Variants in DNAH9 observed in about 807,000 individuals in gnomAD.
DNAH9 encodes the protein DNAH9 variant protein.
A neutral mutation model predicts 471.6 loss-of-function variants in DNAH9; 345 were observed. That is an observed-to-expected ratio of 0.73 (90% confidence interval 0.67 to 0.80). The LOEUF is 0.80. DNAH9 is among the 30% of genes least tolerant of loss of function. The probability of loss-of-function intolerance (pLI) is 0.00; values close to 1 mark genes in which losing one functional copy is unlikely to be tolerated. For synonymous variants in DNAH9, 2,093 were observed against 2,123.6 expected, an observed-to-expected ratio of 0.99 and a Z score of 0.40; for missense variants, 5,407 against 5,609.2, an observed-to-expected ratio of 0.96 and a Z score of 1.15.
chr17:11,822,185 C>T (rs533213022), intron 46 of DNAH9, 123 bp downstream of exon 46: 14 of 1,198,388 alleles, frequency 1.2e-5, no homozygotes, highest in Admixed American at 1.0e-4. Context: ...TGTGCGGCAC[C>T]CTTCTCAGCC....
In DNAH9 at chr17:11,632,545, A is replaced by G. The variant is rs1422979282; in HGVS notation, c.1519-42A>G. 4 of 1,021,734 alleles carry G rather than the reference A, an allele frequency of 3.9e-6. No homozygotes were observed. In the African/African-American group the frequency reaches 6.3e-5, roughly 16 times the overall value. The allele number at this position is 1,021,734 out of a possible 1,614,324, so 63.3% of individuals were successfully genotyped here. ...GAGGAGCATAGTGGGGTTGGCTTAC[A>G]GAAAATTACGTTTTCCTTATATATA... On this transcript the variant is annotated intron_variant, in intron 7 of 68. Transcript: ENST00000262442.
intron 14 of DNAH9, among the ~76,000 whole-genome samples, chr17:11,661,811 G>T (rs2073769562): frequency 6.6e-6 from 1 of 151,834 alleles, no homozygotes; most frequent in South Asian, 2.1e-4. Context: ...TATGCATATT[G>T]AGCCCCACAA....
At chr17:11,808,926 A>C (rs767854030) in intron 44 of DNAH9, among the ~76,000 whole-genome samples, 4 of 152,192 alleles carry the variant, frequency 2.6e-5, no homozygotes, top group Non-Finnish European at 5.9e-5. Context: ...AGAACCATTG[A>C]TCTAAAACAA....
chr17:11,768,102 A>G (rs2150876067), intron 36 of DNAH9, among the ~76,000 whole-genome samples: 1 of 152,262 alleles, frequency 6.6e-6, no homozygotes, highest in East Asian at 1.9e-4. Context: ...TCAGGCACCG[A>G]AGAATGGGGC....
At chr17:11,879,755 C>G (rs2150994005) in intron 53 of DNAH9, among the ~76,000 whole-genome samples, 1 of 152,100 alleles carries the variant, frequency 6.6e-6, no homozygotes, top group East Asian at 1.9e-4. Flanking sequence ...AAACAAAACA[C>G]CATATGAATC....
intron 62 of DNAH9, among the ~76,000 whole-genome samples, chr17:11,926,233 C>T (rs1974321976): frequency 6.6e-6 from 1 of 152,026 alleles, no homozygotes. Flanking sequence ...CCGTTGAACA[C>T]AGGCCTTCTT....
chr17:11,674,777 G>T (rs1208930201), intron 17 of DNAH9, among the ~76,000 whole-genome samples: 1 of 151,992 alleles, frequency 6.6e-6, no homozygotes, highest in Non-Finnish European at 1.5e-5. Context: ...ATATCCTAAT[G>T]ATACCCTCCT....
intron 45 of DNAH9, among the ~76,000 whole-genome samples, chr17:11,818,018 C>T (rs1223292548): frequency 6.6e-6 from 1 of 152,178 alleles, no homozygotes; most frequent in Non-Finnish European, 1.5e-5. Flanking sequence ...CCTCCAGATA[C>T]AGTAGTTCAA....
At chr17:11,886,778 A>C (rs766989337) in intron 56 of DNAH9, 47 bp from the exon 57 acceptor site, 1 of 1,557,330 alleles carries the variant, frequency 6.4e-7, no homozygotes. Context: ...ATTCTCAGGA[A>C]GCCCAGGTTG....
At chr17:11,835,026 T>C in intron 49 of DNAH9, 128 bp downstream of exon 49, 1 of 1,261,742 alleles carries the variant, frequency 7.9e-7, no homozygotes, top group African/African-American at 1.5e-5. Context: ...CTGTCACTGA[T>C]TTGCTCATTA....
intron 50 of DNAH9, among the ~76,000 whole-genome samples, chr17:11,861,698 CTTT>C (rs1197614199): frequency 1.3e-5 from 2 of 152,080 alleles, no homozygotes; most frequent in Non-Finnish European, 2.9e-5. Flanking sequence ...TGTTTCCTGA[CTTT>C]TTAATGATTG....
chr17:11,606,429 C>CT (rs1555548433), intron 1 of DNAH9, among the ~76,000 whole-genome samples: 15 of 121,234 alleles, frequency 1.2e-4, no homozygotes, highest in East Asian at 2.6e-4. Flanking sequence ...TGACAACTTT[C>CT]TTTCTTTTCT....
chr17:11,694,405 C>G lies in DNAH9; in HGVS notation c.4830C>G (p.Ser1610=), dbSNP rs750975269. 6.2e-6 allele frequency: 10 copies of G among 1,613,254 alleles called. No individual in the cohort carries two copies. The highest frequency in any genetic ancestry group is 3.3e-4 in the Middle Eastern group (2 of 6,080). The change falls in exon 22 of 69, where the codon TCC becomes TCG. Residue 1610 remains serine, a synonymous_variant. Coordinates refer to ENST00000262442, the MANE Select transcript of DNAH9 (RefSeq NM_001372.4). ...AFPRFYFLSS[S]DLLDILSNGT... ...CGCGGTTTTACTTTCTCTCCTCCTC[C>G]GATCTGTTAGACATCCTTTCCAACG...
chr17:11,857,420 G>C (rs1971665386), intron 50 of DNAH9, among the ~76,000 whole-genome samples: 1 of 152,114 alleles, frequency 6.6e-6, no homozygotes, highest in South Asian at 2.1e-4. Flanking sequence ...CAGGAGATGG[G>C]CTAACACCCA....
At position 11,962,148 on chromosome 17, in the gene DNAH9, C is replaced by T; in HGVS notation, c.13125C>T (p.Ala4375=). The change falls in exon 68 of 69, where the codon GCC becomes GCT. Residue 4375 remains alanine (A), a synonymous_variant. Transcript: ENST00000262442. This position sits in a 1 kb window ranked among gnomAD's most constrained non-coding sequence, Gnocchi z 4.1. The part of the protein sequence containing the change: ...RKNEWPLDQM[A]LQCDMTKKNR... ...ATGAGTGGCCACTGGACCAGATGGCCCTGCAATGTGACATGACGAAGAAGA... is the reference window on the plus strand; with the variant it reads ...ATGAGTGGCCACTGGACCAGATGGCTCTGCAATGTGACATGACGAAGAAGA... The T allele has an allele frequency of 6.2e-7, 1 of 1,614,102 alleles. No homozygotes were observed. The highest frequency in any genetic ancestry group is 8.5e-7 in the Non-Finnish European group (1 of 1,180,030).
intron 48 of DNAH9, among the ~76,000 whole-genome samples, chr17:11,827,065 T>C (rs978491646): frequency 6.6e-5 from 10 of 152,086 alleles, no homozygotes; most frequent in Admixed American, 2.6e-4. Flanking sequence ...CCTCAAGTGA[T>C]CCACCCGTCT....
chr17:11,816,351 A>G (rs1459758234), intron 45 of DNAH9, among the ~76,000 whole-genome samples: 2 of 152,210 alleles, frequency 1.3e-5, no homozygotes, highest in Non-Finnish European at 2.9e-5. Context: ...TTCATCGTTT[A>G]TACGGTCAGC....
Position 11,823,107 on chromosome 17 carries a change from G to A in DNAH9, c.9246+73G>A, listed in dbSNP as rs558702179. On this transcript the variant is annotated intron_variant, in intron 48 of 68. Transcript: ENST00000262442. ...TGAAGCAGCCCTTTCCAGTGAACTG[G>A]AGGGATCACAATCAAGATCTGAAAA... is the stretch of plus-strand genomic sequence containing the variant. 1.0e-5 allele frequency: 13 copies of A among 1,285,674 alleles called. No homozygotes were observed. The Admixed American group carries it at 2.9e-4, about 29-fold the overall frequency. 79.6% of individuals were successfully genotyped at this position (1,285,674 alleles called of 1,614,324 possible).
chr17:11,956,333 A>G (rs939058173), intron 67 of DNAH9, among the ~76,000 whole-genome samples: 19 of 152,218 alleles, frequency 1.2e-4, no homozygotes, highest in African/African-American at 4.1e-4. Flanking sequence ...AAAGCGTCAA[A>G]ATACATAAAG....
Sources: gnomAD v4.1 joint callset for allele counts (sites outside exome capture counted in the v4.1 genomes callset) on GRCh38, gnomAD v4.1.1 for gene constraint, Gnocchi (gnomAD v3.1) non-coding constraint, MANE v1.5 for transcripts, NCBI Gene and HGNC (gene_info 2026-07-23, HGNC 2026-07-21) for gene names.